Variants in RASGEF1A observed in about 807,000 individuals in gnomAD.
The protein encoded by RASGEF1A is RasGEF domain family member 1A.
RASGEF1A carries 18 observed loss-of-function variants against 56.4 expected under a neutral mutation model. The observed-to-expected ratio is 0.32, with a 90% CI of 0.22 to 0.47. The LOEUF is 0.47. RASGEF1A is among the 20% of genes least tolerant of loss of function. The pLI, the probability that RASGEF1A is intolerant of heterozygous loss-of-function variation, is 1.00. For missense variants in RASGEF1A, 422 were observed against 627.1 expected (o/e 0.67, Z 3.49); for synonymous variants, 245 against 242.6 (o/e 1.01, Z -0.09).
chr10:43,258,966 C>T (rs926131166), intron 1 of RASGEF1A, among the ~76,000 whole-genome samples: 4 of 152,242 alleles, frequency 2.6e-5, no homozygotes, highest in African/African-American at 7.2e-5. Context: ...CCCCACCCTG[C>T]ACTGCCTTCA....
intron 1 of RASGEF1A, among the ~76,000 whole-genome samples, chr10:43,210,718 C>T (rs1252745894): frequency 6.6e-6 from 1 of 152,232 alleles, no homozygotes; most frequent in African/African-American, 2.4e-5. Context: ...CTGTGAAGGG[C>T]TCAGGAAGCA....
At chr10:43,199,586 A>T in intron 7 of RASGEF1A, 90 bp downstream of exon 7, 1 of 1,056,648 alleles carries the variant, frequency 9.5e-7, no homozygotes, top group Non-Finnish European at 1.4e-6. Flanking sequence ...TCACTCTTAA[A>T]GTTCCATCAT....
In RASGEF1A at chr10:43,196,492, T is replaced by C. The variant is rs1207800650; in HGVS notation, c.1405A>G (p.Ser469Gly). The change falls in exon 12 of 13, where the codon AGC (serine) becomes GGC (glycine). Residue 469 changes from serine to glycine, a missense_variant. Physicochemically the swap from Ser to Gly is moderately conservative, Grantham distance 56. Coordinates refer to ENST00000395810, the MANE Select transcript of RASGEF1A (RefSeq NM_145313.4). This position sits in a 1 kb window ranked among gnomAD's most constrained non-coding sequence, Gnocchi z 4.6. ...CCCTCCTACCTGAGGGTCTTCCAGC[T>C]GTCTTTTTCCATGTGGTTCTCGGGA... ...EGPENHMEKDSWKTLRTTLLN... is the reference protein window; with the variant it reads ...EGPENHMEKDGWKTLRTTLLN... 1 of 1,614,068 alleles carries C rather than the reference T, an allele frequency of 6.2e-7. No homozygotes were observed. Among genetic ancestry groups the C allele is most frequent in the Non-Finnish European group, 8.5e-7 (1 of 1,180,012 alleles).
Position 43,200,683 on chromosome 10 carries a change from AG to A in RASGEF1A, c.664del (p.Leu222Ter), listed in dbSNP as rs1343731558. ...AGCACTGACCAGCTCAATGTGAGTC[AG>A]CTGCTGGGCCAGCACCAGGGGGTCG... ...CCDPLVLAQQLTHIELDRVSS... is the reference protein window; with the variant it reads ...CCDPLVLAQQXTHIELDRVSS... On this transcript the variant is annotated frameshift_variant, in exon 5 of 13. Coordinates refer to ENST00000395810, the MANE Select transcript of RASGEF1A (RefSeq NM_145313.4). LOFTEE classifies it high-confidence loss of function. 1 of 1,612,690 alleles carries A rather than the reference AG, an allele frequency of 6.2e-7. No individual in the cohort carries two copies. The highest frequency in any genetic ancestry group is 8.5e-7 in the Non-Finnish European group (1 of 1,179,952).
At chr10:43,258,300 A>G (rs1588953565) in intron 1 of RASGEF1A, among the ~76,000 whole-genome samples, 2 of 152,038 alleles carry the variant, frequency 1.3e-5, no homozygotes, top group Non-Finnish European at 2.9e-5. Flanking sequence ...GAGCGGGAGG[A>G]CCCCATGGCT....
chr10:43,255,755 G>A (rs797019679), intron 1 of RASGEF1A, among the ~76,000 whole-genome samples: 6 of 152,246 alleles, frequency 3.9e-5, no homozygotes, highest in African/African-American at 9.6e-5. Context: ...TGGGGGTGCT[G>A]GGGTGGGAGT....
intron 1 of RASGEF1A, among the ~76,000 whole-genome samples, chr10:43,220,436 T>A (rs1840192839): frequency 6.6e-6 from 1 of 152,050 alleles, no homozygotes; most frequent in Non-Finnish European, 1.5e-5. Context: ...AAGGATGCAG[T>A]GTGCCAAGAT....
rs186084302 is a variant in RASGEF1A, at chr10:43,216,787, A to G, written c.-6-10665T>C. Among the ~76,000 whole-genome samples the G allele has an allele frequency of 8.7e-4, 132 of 152,194 alleles. 1 individual carries two copies. Among genetic ancestry groups the G allele is most frequent in the Non-Finnish European group, 1.3e-3 (85 of 67,982 alleles). On this transcript the variant is annotated intron_variant, in intron 1 of 12. Transcript: ENST00000395810. ...AAGGAGGGGCACTGCTCCTGATGGGATAAGAACCTGCATGGGGTGGCAGAG... is the reference window on the plus strand; with the variant it reads ...AAGGAGGGGCACTGCTCCTGATGGGGTAAGAACCTGCATGGGGTGGCAGAG...
intron 1 of RASGEF1A, among the ~76,000 whole-genome samples, chr10:43,253,568 G>A (rs1021902983): frequency 6.6e-6 from 1 of 152,226 alleles, no homozygotes; most frequent in Non-Finnish European, 1.5e-5. Flanking sequence ...ACAGGGTCAG[G>A]GAGATGGTGG....
chr10:43,260,433 C>A (rs776476247), intron 1 of RASGEF1A, among the ~76,000 whole-genome samples: 1 of 152,336 alleles, frequency 6.6e-6, no homozygotes, highest in East Asian at 1.9e-4. Context: ...GGTGCACCAC[C>A]GGATGCATCT....
chr10:43,264,779 G>C (rs1836595220), intron 1 of RASGEF1A, among the ~76,000 whole-genome samples: 1 of 151,904 alleles, frequency 6.6e-6, no homozygotes, highest in Non-Finnish European at 1.5e-5. Context: ...CCCCTGGGGT[G>C]GGCCATGCAG....
Position 43,198,245 on chromosome 10 carries a change from G to T in RASGEF1A, c.1033-50C>A. On this transcript the variant is annotated intron_variant, in intron 9 of 12. Coordinates refer to ENST00000395810, the MANE Select transcript of RASGEF1A (RefSeq NM_145313.4). Reference sequence around the variant, plus strand: ...GAGCATCACAGCCCCATGCCCCTCCGACCTGCTCCAGATGCCCCTCTGCAG... The same window carrying T: ...GAGCATCACAGCCCCATGCCCCTCCTACCTGCTCCAGATGCCCCTCTGCAG... 3 of 1,487,226 alleles carry T rather than the reference G, an allele frequency of 2.0e-6. No individual in the cohort carries two copies. The South Asian group carries it at 3.8e-5, about 19-fold the overall frequency. 92.1% of individuals were successfully genotyped at this position (1,487,226 alleles called of 1,614,324 possible).
intron 1 of RASGEF1A, among the ~76,000 whole-genome samples, chr10:43,243,489 C>A (rs1204666653): frequency 6.7e-6 from 1 of 150,278 alleles, no homozygotes; most frequent in East Asian, 2.0e-4. Flanking sequence ...GCCGCCACCC[C>A]ATCTGGGAAG....
At chr10:43,263,123 G>A (rs1194931071) in intron 1 of RASGEF1A, among the ~76,000 whole-genome samples, 10 of 152,128 alleles carry the variant, frequency 6.6e-5, no homozygotes, top group South Asian at 4.1e-4. Context: ...AGCTGGAACC[G>A]GATCAGCACG....
chr10:43,264,857 C>T (rs1836596677), intron 1 of RASGEF1A, among the ~76,000 whole-genome samples: 1 of 152,304 alleles, frequency 6.6e-6, no homozygotes, highest in African/African-American at 2.4e-5. Flanking sequence ...TGCCCCCATC[C>T]CTGCCTTGGC....
rs1839847126 is a variant in RASGEF1A at position 43,199,023 on chromosome 10, C to T, written c.953-11G>A. ...TGAGGTTCATGCCAGCTGCAGAGGA[C>T]AGCAGGTAGGGTCAGGGCCGGGGGG... On this transcript the variant is annotated splice_polypyrimidine_tract_variant and intron_variant, in intron 8 of 12. Coordinates refer to ENST00000395810, the MANE Select transcript of RASGEF1A (RefSeq NM_145313.4). 6.2e-7 allele frequency: 1 copy of T among 1,609,356 alleles called. No individual in the cohort carries two copies. Among genetic ancestry groups the T allele is most frequent in the Non-Finnish European group, 8.5e-7 (1 of 1,176,866 alleles).
chr10:43,236,916 CAGCCTGGCCTTGTGGG>C (rs936293436), intron 1 of RASGEF1A, among the ~76,000 whole-genome samples: 6 of 152,044 alleles, frequency 3.9e-5, no homozygotes, highest in African/African-American at 1.4e-4. Flanking sequence ...GTCTCAGGGC[CAGCCTGGCCTTGTGGG>C]AGGGTCTCAG....
At chr10:43,251,688 C>T (rs1291023335) in intron 1 of RASGEF1A, among the ~76,000 whole-genome samples, 1 of 152,144 alleles carries the variant, frequency 6.6e-6, no homozygotes, top group Non-Finnish European at 1.5e-5. Context: ...GCTTGTTGAG[C>T]GCTACCTGGG....
rs1293161096 is a variant in RASGEF1A, at chr10:43,230,621, A to G, written c.-6-24499T>C. 2.8e-4 allele frequency among the ~76,000 whole-genome samples: 42 copies of G among 152,136 alleles called. 1 individual carries two copies. Among genetic ancestry groups the G allele is most frequent in the Non-Finnish European group, 2.9e-5 (2 of 68,006 alleles). On this transcript the variant is annotated intron_variant, in intron 1 of 12. Transcript: ENST00000395810. ...GGCGGCCGCTAGGGAGGAGCAGGGT[A>G]TGCTCAGCTTGAACCTCACAGAGAG...
Sources: gnomAD v4.1 joint callset for allele counts (sites outside exome capture counted in the v4.1 genomes callset) on GRCh38, gnomAD v4.1.1 for gene constraint, Gnocchi (gnomAD v3.1) non-coding constraint, MANE v1.5 for transcripts, NCBI Gene and HGNC (gene_info 2026-07-23, HGNC 2026-07-21) for gene names.